MGAT4C: variants seen among roughly 807,000 people sequenced by gnomAD.
The protein encoded by MGAT4C is MGAT4 family member C, also known as alpha-1,3-mannosyl-glycoprotein 4-beta-N-acetylglucosaminyltransferase C.
Under a neutral mutation model 40.1 loss-of-function variants are expected in MGAT4C, and 19 were observed. That is an observed-to-expected ratio of 0.47 (90% confidence interval 0.33 to 0.70). The LOEUF is 0.70. Ranked by LOEUF, MGAT4C falls within the 30% of genes least tolerant of loss-of-function variation. The pLI is 0.02. For missense variants in MGAT4C, 491 were observed against 563.2 expected (o/e 0.87, Z 1.30); for synonymous variants, 181 against 187.1 (o/e 0.97, Z 0.27).
chr12:86,226,858 G>A (rs138642456), intron 1 of MGAT4C, among the ~76,000 whole-genome samples: 16 of 151,810 alleles, frequency 1.1e-4, no homozygotes, highest in African/African-American at 2.4e-4. Flanking sequence ...AATGTTTCTC[G>A]AAAAAGAACT....
In MGAT4C at chr12:86,454,733, G is replaced by A. The variant is rs111472239; in HGVS notation, c.-228-19468C>T. Reference sequence around the variant, plus strand: ...AGCAAAGAGCAAATTCAATGATATGGGGAAAAATTTAATAACAGCGATAGC... The same window carrying A: ...AGCAAAGAGCAAATTCAATGATATGAGGAAAAATTTAATAACAGCGATAGC... On this transcript the variant is annotated intron_variant, in intron 2 of 7. Coordinates refer to the MGAT4C transcript ENST00000548651. 3.2e-3 allele frequency among the ~76,000 whole-genome samples: 491 copies of A among 152,078 alleles called. 1 individual carries two copies. The highest frequency in any genetic ancestry group is 0.011 in the African/African-American group (474 of 41,486).
intron 2 of MGAT4C, among the ~76,000 whole-genome samples, chr12:86,602,912 GTA>G (rs1355093958): frequency 2.1e-5 from 3 of 142,934 alleles, no homozygotes; most frequent in Non-Finnish European, 4.6e-5. Context: ...GTGTGTGTGT[GTA>G]AAATGTATCA....
At chr12:86,280,643 T>C (rs1953194225) in intron 4 of MGAT4C, among the ~76,000 whole-genome samples, 1 of 151,986 alleles carries the variant, frequency 6.6e-6, no homozygotes, top group Admixed American at 6.6e-5. Flanking sequence ...GTGTCCATTA[T>C]TGCTATTTGT....
At chr12:86,159,602 TA>T (rs973516146) in intron 1 of MGAT4C, among the ~76,000 whole-genome samples, 25 of 152,100 alleles carry the variant, frequency 1.6e-4, no homozygotes, top group African/African-American at 4.8e-4. Flanking sequence ...AGAATTGGTA[TA>T]TTTTTTTTCT....
intron 2 of MGAT4C, among the ~76,000 whole-genome samples, chr12:86,682,425 C>A (rs769746042): frequency 6.6e-6 from 1 of 151,758 alleles, no homozygotes; most frequent in Non-Finnish European, 1.5e-5. Context: ...CTTAATAAAC[C>A]ATATGTAGTT....
chr12:86,360,535 G>C (rs189013032), intron 3 of MGAT4C, among the ~76,000 whole-genome samples: 2 of 152,258 alleles, frequency 1.3e-5, no homozygotes, highest in African/African-American at 4.8e-5. Context: ...AGGAAAAGAG[G>C]AAGTCAAATT....
At chr12:86,315,418 G>A (rs565371697) in intron 4 of MGAT4C, among the ~76,000 whole-genome samples, 31 of 152,074 alleles carry the variant, frequency 2.0e-4, no homozygotes, top group African/African-American at 7.2e-4. Context: ...AATCCTAGAA[G>A]AAGGCCGGGC....
At chr12:86,105,726 G>T (rs1311537707) in intron 1 of MGAT4C, among the ~76,000 whole-genome samples, 6 of 152,102 alleles carry the variant, frequency 3.9e-5, no homozygotes, top group Non-Finnish European at 7.4e-5. Context: ...AATTCAGTGA[G>T]TAAATTTTTA....
intron 2 of MGAT4C, among the ~76,000 whole-genome samples, chr12:86,658,956 C>A (rs1019598593): frequency 3.3e-5 from 5 of 152,046 alleles, no homozygotes; most frequent in African/African-American, 1.2e-4. Flanking sequence ...GCCGTCCTGT[C>A]AACCTGAACA....
At position 86,760,864 on chromosome 12, in the gene MGAT4C, A is replaced by G. The variant is rs116788551; in HGVS notation, c.-261-33623T>C. ...AGATAAAAAGTGTATGTGGTGTATA[A>G]TTCCACTTGTATAAAACTAGAAAAT... On this transcript the variant is annotated intron_variant, in intron 1 of 7. Coordinates refer to the MGAT4C transcript ENST00000548651. Among the ~76,000 whole-genome samples, 130 of 152,300 alleles carry G rather than the reference A, an allele frequency of 8.5e-4. 1 individual carries two copies. The highest frequency in any genetic ancestry group is 3.0e-3 in the African/African-American group (125 of 41,580).
chr12:86,077,488 AG>A (rs1413898108), intron 1 of MGAT4C, among the ~76,000 whole-genome samples: 3 of 152,232 alleles, frequency 2.0e-5, no homozygotes, highest in African/African-American at 7.2e-5. Flanking sequence ...TTTTAACAAA[AG>A]GAGTAGGAAA....
chr12:86,701,066 C>G, intron 2 of MGAT4C, among the ~76,000 whole-genome samples: 1 of 152,040 alleles, frequency 6.6e-6, no homozygotes, highest in East Asian at 1.9e-4. Context: ...AGAAACCTAG[C>G]CTTGCCATAG....
chr12:86,462,262 A>C (rs1012600354), intron 2 of MGAT4C, among the ~76,000 whole-genome samples: 1 of 152,210 alleles, frequency 6.6e-6, no homozygotes, highest in Non-Finnish European at 1.5e-5. Flanking sequence ...ATGTATCCAG[A>C]AGAGTTTTTC....
intron 4 of MGAT4C, among the ~76,000 whole-genome samples, chr12:86,278,832 G>C (rs1953141511): frequency 6.6e-6 from 1 of 151,918 alleles, no homozygotes; most frequent in Admixed American, 6.6e-5. Context: ...GGCTTTTGTT[G>C]TGTTAAGCTA....
At chr12:86,442,626 C>G (rs374719364) in intron 2 of MGAT4C, among the ~76,000 whole-genome samples, 6 of 151,902 alleles carry the variant, frequency 3.9e-5, no homozygotes, top group East Asian at 1.9e-4. Context: ...TCTTGTTTTT[C>G]TCAGGTTTGT....
rs12824233 is a variant in MGAT4C, at chr12:86,479,519, T to G, written c.-228-44254A>C. ...TCTAAAAAGATTCACATTGAAATAGTCATCTTCTAAAAGGTCACATGATAT... is the reference window on the plus strand; with the variant it reads ...TCTAAAAAGATTCACATTGAAATAGGCATCTTCTAAAAGGTCACATGATAT... On this transcript the variant is annotated intron_variant, in intron 2 of 7. Transcript: ENST00000548651. Among the ~76,000 whole-genome samples the G allele has an allele frequency of 1.8e-3, 281 of 152,046 alleles. 2 individuals carry two copies. Among genetic ancestry groups the G allele is most frequent in the Non-Finnish European group, 3.4e-3 (233 of 67,876 alleles).
upstream of MGAT4C, among the ~76,000 whole-genome samples, chr12:86,257,265 C>T (rs1426968245): frequency 6.6e-6 from 1 of 152,190 alleles, no homozygotes; most frequent in Non-Finnish European, 1.5e-5. Flanking sequence ...GGATAATGGG[C>T]TAAGCTGGTT....
At chr12:86,827,015 T>C (rs1271606100) in intron 1 of MGAT4C, among the ~76,000 whole-genome samples, 1 of 151,424 alleles carries the variant, frequency 6.6e-6, no homozygotes, top group East Asian at 1.9e-4. Context: ...TAATTTTCTT[T>C]AGAAAAATCA....
rs530241762 is a variant in MGAT4C, at chr12:86,136,763, A to G, written c.-56-87040T>C. ...GCATGCAATAGCGTGATCTCAGCTCACTGCAACCTCCGCCTCCCAGGTTCA... is the reference window on the plus strand; with the variant it reads ...GCATGCAATAGCGTGATCTCAGCTCGCTGCAACCTCCGCCTCCCAGGTTCA... On this transcript the variant is annotated intron_variant, in intron 1 of 4. Coordinates refer to ENST00000611864, the MANE Select transcript of MGAT4C (RefSeq NM_001351288.2). Among the ~76,000 whole-genome samples, 3 of 152,122 alleles carry G rather than the reference A, an allele frequency of 2.0e-5. No homozygotes were observed. In the South Asian group the frequency reaches 6.2e-4, roughly 32 times the overall value.
Sources: allele counts gnomAD v4.1 joint callset (sites outside exome capture counted in the v4.1 genomes callset), GRCh38; gene constraint gnomAD v4.1.1; transcripts MANE v1.5; gene names NCBI Gene and HGNC (gene_info 2026-07-23, HGNC 2026-07-21).